PDE4DIP: variants seen among roughly 807,000 people sequenced by gnomAD.
PDE4DIP encodes the protein phosphodiesterase 4D interacting protein.
In PDE4DIP, 59 loss-of-function variants were observed where a neutral mutation model predicts 221.4. The ratio of observed to expected loss-of-function variants is 0.27; its 90% confidence interval spans 0.22 to 0.33. The LOEUF (loss-of-function observed/expected upper bound fraction) is 0.33, where lower values mean the gene tolerates loss of function less well. PDE4DIP is among the 10% of genes least tolerant of loss of function. The pLI is 1.00. For synonymous variants in PDE4DIP, 404 were observed against 815.9 expected (o/e 0.50, Z 8.60); for missense variants, 1,036 against 2,154.2 (o/e 0.48, Z 10.28).
chr1:149,025,870 CAT>C (rs1205565358), intron 38 of PDE4DIP: 4 of 152,106 alleles, frequency 2.6e-5, no homozygotes, highest in African/African-American at 9.7e-5. Flanking sequence ...TAAAAAAACA[CAT>C]GTGGTCCACC....
intron 17 of PDE4DIP, among the ~76,000 whole-genome samples, chr1:148,976,581 A>G (rs2060215037): frequency 2.0e-5 from 3 of 152,188 alleles, no homozygotes; most frequent in Non-Finnish European, 4.4e-5. Flanking sequence ...GGGATGAGGT[A>G]GGTAGTGAAT....
chr1:148,973,178 T>G (rs2059525719), intron 16 of PDE4DIP, among the ~76,000 whole-genome samples: 1 of 135,294 alleles, frequency 7.4e-6, no homozygotes, highest in South Asian at 2.4e-4. Context: ...TTCTAGGACC[T>G]TTTTTTTTTT....
At chr1:148,961,607 A>G in intron 6 of PDE4DIP, among the ~76,000 whole-genome samples, 1 of 152,226 alleles carries the variant, frequency 6.6e-6, no homozygotes, top group Non-Finnish European at 1.5e-5. Flanking sequence ...TAGAGAGATC[A>G]CAGTGCGTGA....
intron 1 of PDE4DIP, among the ~76,000 whole-genome samples, chr1:148,818,009 G>A (rs1280054209): frequency 6.7e-6 from 1 of 148,930 alleles, no homozygotes; most frequent in East Asian, 1.9e-4. Flanking sequence ...TAGAGATGGG[G>A]TTTCACCATG....
At chr1:148,929,315 C>T (rs1468847437) in intron 2 of PDE4DIP, 42 bp downstream of exon 5, 2 of 1,542,630 alleles carry the variant, frequency 1.3e-6, no homozygotes, top group African/African-American at 1.4e-5. Flanking sequence ...CAGAGTCTGT[C>T]TTACTAATCT....
intron 20 of PDE4DIP, 54 bp from the exon 24 acceptor site, chr1:148,981,216 C>G (rs1415788175): frequency 1.3e-6 from 2 of 1,564,558 alleles, no homozygotes; most frequent in Non-Finnish European, 1.8e-6. Flanking sequence ...CAAATGTGGA[C>G]TCACTACAGT....
intron 33 of PDE4DIP, among the ~76,000 whole-genome samples, chr1:149,017,013 C>T (rs1388024558): frequency 1.3e-5 from 2 of 152,108 alleles, no homozygotes; most frequent in Non-Finnish European, 2.9e-5. Flanking sequence ...TGCTGAGATG[C>T]CGCGCAGTTC....
chr1:148,944,272 G>T (rs2051122617), intron 5 of PDE4DIP, among the ~76,000 whole-genome samples: 1 of 152,184 alleles, frequency 6.6e-6, no homozygotes, highest in African/African-American at 2.4e-5. Flanking sequence ...ATAGGTGGAG[G>T]TGGTAGTGAT....
intron 18 of PDE4DIP, 22 bp from the exon 22 acceptor site, chr1:148,978,256 A>G: frequency 6.4e-7 from 1 of 1,571,564 alleles, no homozygotes; most frequent in Middle Eastern, 1.7e-4. Context: ...TTTCACATCC[A>G]TACTTATTTT....
In PDE4DIP at chr1:148,978,416, G is replaced by A. The variant is rs1179651946; in HGVS notation, c.2574+1G>A. ...AATTTCAGGAAACCGAAGACAACAG[G>A]TAAGTTACTGGAATATAAACCTTAT... On this transcript the variant is annotated splice_donor_variant, in intron 19 of 43. Coordinates refer to ENST00000369354, the Ensembl canonical transcript of PDE4DIP. LOFTEE classifies it high-confidence loss of function. 13 of 1,581,370 alleles carry A rather than the reference G, an allele frequency of 8.2e-6. No homozygotes were observed. The highest frequency in any genetic ancestry group is 1.1e-5 in the Non-Finnish European group (13 of 1,158,176).
chr1:148,963,748 C>CTTTTTTTTTTTTT (rs66921099), intron 9 of PDE4DIP, among the ~76,000 whole-genome samples: 5 of 89,158 alleles, frequency 5.6e-5, no homozygotes, highest in Middle Eastern at 9.4e-3. Flanking sequence ...TTCTTTCCTT[C>CTTTTTTTTTTTTT]TTTTTTTTTT....
intron 3 of PDE4DIP, 76 bp from the exon 7 acceptor site, chr1:148,932,034 TTCA>T: frequency 3.3e-6 from 2 of 614,064 alleles, no homozygotes; most frequent in East Asian, 5.4e-5. Context: ...CCCTCTGAAA[TTCA>T]TCAATGTTCC....
intron 21 of PDE4DIP, chr1:148,983,367 G>A (rs1289446355): frequency 6.6e-6 from 1 of 152,050 alleles, no homozygotes. Flanking sequence ...TACAGTTTAT[G>A]TTAATAATCA....
At chr1:149,031,945 T>C (rs2076865619) in exon 44 of PDE4DIP, 1 of 1,606,600 alleles carries the variant, frequency 6.2e-7, no homozygotes, top group South Asian at 1.1e-5. Flanking sequence ...TGTCTGCAGG[T>C]GAAATCCCTA....
rs782111540 is a variant in PDE4DIP, at chr1:149,007,275, G to A, written c.4490G>A (p.Gly1497Asp). ...CGGCAAAAAATACGAGAAGGGAGAG[G>A]TATTTGTTATCTTATCACCCGGCAT... Residue 1497 changes from glycine (G) to aspartate (D), a missense_variant, in exon 28 of 44, where the codon GGT becomes GAT. Physicochemically the swap from Gly to Asp is moderately conservative, Grantham distance 94. Transcript: ENST00000369354. 5 of 1,600,422 alleles carry A rather than the reference G, an allele frequency of 3.1e-6. No individual in the cohort carries two copies. The South Asian group carries it at 4.4e-5, about 14-fold the overall frequency.
Position 148,973,421 on chromosome 1 carries a change from C to T in PDE4DIP, c.2227+829C>T, listed in dbSNP as rs200255282. On this transcript the variant is annotated intron_variant, in intron 16 of 43. Coordinates refer to ENST00000369354, the Ensembl canonical transcript of PDE4DIP. ...CTGAGATTACAGATGTGAGCCACTG[C>T]GCCCAGCCGCTTCTAGGCCCTTTTA... Among the ~76,000 whole-genome samples, 79 of 151,052 alleles carry T rather than the reference C, an allele frequency of 5.2e-4. 1 individual carries two copies. The East Asian group carries it at 0.012, about 23-fold the overall frequency.
chr1:148,817,833 CT>C (rs57489174), intron 1 of PDE4DIP, among the ~76,000 whole-genome samples: 1 of 112,774 alleles, frequency 8.9e-6, no homozygotes, highest in Non-Finnish European at 1.9e-5. Flanking sequence ...AATTTTTTTT[CT>C]TTTTTTTTGA....
chr1:148,955,793 T>A (rs1242768146), intron 5 of PDE4DIP, among the ~76,000 whole-genome samples: 1 of 152,100 alleles, frequency 6.6e-6, no homozygotes, highest in Non-Finnish European at 1.5e-5. Flanking sequence ...AATTTGGACA[T>A]TAGAGCTTTA....
intron 41 of PDE4DIP, 143 bp from the exon 45 acceptor site, chr1:149,029,644 G>A (rs5004097): frequency 1.4e-6 from 1 of 702,042 alleles, no homozygotes; most frequent in South Asian, 1.9e-5. Flanking sequence ...TCAGCTGGAG[G>A]TATCCGAGGC....
Sources: allele counts gnomAD v4.1 joint callset (sites outside exome capture counted in the v4.1 genomes callset), GRCh38; gene constraint gnomAD v4.1.1; transcripts MANE v1.5; gene names NCBI Gene and HGNC (gene_info 2026-07-23, HGNC 2026-07-21).